The following PTPRT variants were observed in gnomAD, a reference collection of about 807,000 sequenced individuals.
PTPRT encodes receptor-type tyrosine-protein phosphatase T.
PTPRT carries 56 observed loss-of-function variants against 176.8 expected under a neutral mutation model. That is an observed-to-expected ratio of 0.32 (90% CI 0.26 to 0.40). The LOEUF (loss-of-function observed/expected upper bound fraction) is 0.40, where lower values mean the gene tolerates loss of function less well. PTPRT is among the 10% of genes least tolerant of loss of function. PTPRT has a pLI of 1.00. For synonymous variants in PTPRT, 783 were observed against 739.0 expected (o/e 1.06, Z -0.96); for missense variants, 1,540 against 1,908.2 (o/e 0.81, Z 3.60).
intron 6 of PTPRT, among the ~76,000 whole-genome samples, chr20:42,732,634 C>T (rs1484217628): frequency 4.6e-5 from 7 of 152,118 alleles, no homozygotes; most frequent in Admixed American, 1.3e-4. Flanking sequence ...GATGAAAGAT[C>T]GTGCTGTTTC....
chr20:42,321,939 G>A (rs899901914), intron 11 of PTPRT, among the ~76,000 whole-genome samples: 1 of 152,172 alleles, frequency 6.6e-6, no homozygotes, highest in African/African-American at 2.4e-5. Context: ...CAGGCGCAGT[G>A]GTGGGCGCCT....
intron 9 of PTPRT, among the ~76,000 whole-genome samples, chr20:42,396,519 C>G (rs1473523000): frequency 6.6e-6 from 1 of 152,162 alleles, no homozygotes; most frequent in Non-Finnish European, 1.5e-5. Flanking sequence ...TCCAACCACA[C>G]TGGCTTGGAA....
chr20:42,801,377 G>T (rs1286361971), intron 2 of PTPRT, among the ~76,000 whole-genome samples: 1 of 152,062 alleles, frequency 6.6e-6, no homozygotes, highest in Non-Finnish European at 1.5e-5. Context: ...GCTTCTCTCT[G>T]CCACTGCATC....
rs568844597 is a variant in PTPRT, at chr20:42,573,305, C to G, written c.1154-100743G>C. Among the ~76,000 whole-genome samples the G allele has an allele frequency of 1.6e-3, 239 of 152,282 alleles. 1 individual carries two copies. Among genetic ancestry groups the G allele is most frequent in the Non-Finnish European group, 2.7e-3 (187 of 68,010 alleles). On this transcript the variant is annotated intron_variant, in intron 7 of 30. Coordinates refer to ENST00000373187, the MANE Select transcript of PTPRT (RefSeq NM_007050.6). ...AAGCACCCTGGCCACTAGGGGCCTT[C>G]CACAGTGGCATGAGTCCACCCCCCA...
At chr20:42,520,005 T>G (rs2072141651) in intron 7 of PTPRT, among the ~76,000 whole-genome samples, 1 of 152,140 alleles carries the variant, frequency 6.6e-6, no homozygotes, top group Non-Finnish European at 1.5e-5. Context: ...CTTCATTTTT[T>G]CATAATAATT....
At chr20:42,695,419 T>C (rs1054173006) in intron 6 of PTPRT, among the ~76,000 whole-genome samples, 3 of 152,214 alleles carry the variant, frequency 2.0e-5, no homozygotes, top group Admixed American at 6.5e-5. Context: ...TTTCCTACCA[T>C]AGAGTTTCTG....
At chr20:42,824,559 T>C (rs986756518) in intron 2 of PTPRT, among the ~76,000 whole-genome samples, 10 of 152,014 alleles carry the variant, frequency 6.6e-5, no homozygotes, top group African/African-American at 2.4e-4. Context: ...TGATTAACTA[T>C]AGTATTTGAA....
intron 16 of PTPRT, among the ~76,000 whole-genome samples, chr20:42,190,471 A>G (rs1456498597): frequency 6.6e-6 from 1 of 152,196 alleles, no homozygotes; most frequent in Admixed American, 6.6e-5. Flanking sequence ...GAGGTGAGCT[A>G]GAGCCTTCCT....
intron 12 of PTPRT, among the ~76,000 whole-genome samples, chr20:42,305,180 C>G (rs973206773): frequency 1.3e-5 from 2 of 151,814 alleles, no homozygotes; most frequent in African/African-American, 4.8e-5. Context: ...TGGTGAAAAC[C>G]CATCTCTGCT....
intron 1 of PTPRT, among the ~76,000 whole-genome samples, chr20:42,889,134 C>T (rs547142363): frequency 1.3e-5 from 2 of 152,258 alleles, no homozygotes; most frequent in Admixed American, 1.3e-4. Context: ...TGATACTGAG[C>T]TGACTGCTGA....
At chr20:42,397,353 G>T (rs928398881) in intron 9 of PTPRT, among the ~76,000 whole-genome samples, 1 of 152,150 alleles carries the variant, frequency 6.6e-6, no homozygotes, top group African/African-American at 2.4e-5. Flanking sequence ...TTGTTACAAA[G>T]GTATACTGCG....
chr20:42,132,120 T>A (rs1600566140), intron 18 of PTPRT, among the ~76,000 whole-genome samples: 1 of 152,092 alleles, frequency 6.6e-6, no homozygotes, highest in African/African-American at 2.4e-5. Context: ...TCTGGGACAG[T>A]GGAAAGGTGC....
chr20:42,621,649 C>T (rs1018903834), intron 7 of PTPRT, among the ~76,000 whole-genome samples: 1 of 152,088 alleles, frequency 6.6e-6, no homozygotes, highest in Non-Finnish European at 1.5e-5. Context: ...GTGCTGGCCA[C>T]TCCCTAGATG....
At chr20:42,228,958 A>G (rs2056077636) in intron 15 of PTPRT, among the ~76,000 whole-genome samples, 2 of 152,228 alleles carry the variant, frequency 1.3e-5, no homozygotes, top group Non-Finnish European at 2.9e-5. Context: ...ATATGAGCCC[A>G]GCGCTATGGA....
chr20:42,976,786 T>C (rs1175245265), intron 1 of PTPRT, among the ~76,000 whole-genome samples: 2 of 152,246 alleles, frequency 1.3e-5, no homozygotes, highest in Non-Finnish European at 2.9e-5. Flanking sequence ...AGGCTCTTGA[T>C]ATTTCTTTTC....
At chr20:42,940,943 A>G (rs1980503692) in intron 1 of PTPRT, among the ~76,000 whole-genome samples, 1 of 151,850 alleles carries the variant, frequency 6.6e-6, no homozygotes, top group African/African-American at 2.4e-5. Context: ...TTAGCAGGAT[A>G]TGGTGGCGCG....
chr20:42,881,724 C>CAAAAAA (rs112191705), intron 2 of PTPRT, among the ~76,000 whole-genome samples: 1 of 36,692 alleles, frequency 2.7e-5, no homozygotes, highest in Non-Finnish European at 7.2e-5. Context: ...CACTCTGTCT[C>CAAAAAA]AAAAAAAAAA....
chr20:42,583,936 C>T (rs959859634), intron 7 of PTPRT, among the ~76,000 whole-genome samples: 5 of 152,108 alleles, frequency 3.3e-5, no homozygotes, highest in African/African-American at 1.2e-4. Context: ...GTCTTCCAGC[C>T]AATTCTAGAT....
intron 6 of PTPRT, among the ~76,000 whole-genome samples, chr20:42,711,569 A>T (rs778937397): frequency 6.6e-6 from 1 of 152,128 alleles, no homozygotes; most frequent in East Asian, 1.9e-4. Flanking sequence ...TGCTGGCACT[A>T]TGCTTCATAT....
Sources: allele counts gnomAD v4.1 joint callset (sites outside exome capture counted in the v4.1 genomes callset), GRCh38; gene constraint gnomAD v4.1.1; transcripts MANE v1.5; gene names NCBI Gene and HGNC (gene_info 2026-07-23, HGNC 2026-07-21).